ILDR2: variants seen among roughly 807,000 people sequenced by gnomAD.
ILDR2 encodes the protein immunoglobulin like domain containing receptor 2.
A neutral mutation model predicts 66.8 loss-of-function variants in ILDR2; 25 were observed. That is an observed-to-expected ratio of 0.37 (90% CI 0.27 to 0.52). The LOEUF (loss-of-function observed/expected upper bound fraction) is 0.52. Ranked by LOEUF, ILDR2 falls within the 20% of genes least tolerant of loss-of-function variation. The pLI, the probability that ILDR2 is intolerant of heterozygous loss-of-function variation, is 0.88. For missense variants in ILDR2, 827 were observed against 876.8 expected, an observed-to-expected ratio of 0.94 and a Z score of 0.72; for synonymous variants, 367 against 357.2, an observed-to-expected ratio of 1.03 and a Z score of -0.31.
At chr1:166,932,198 T>C (rs1216313668) in intron 6 of ILDR2, among the ~76,000 whole-genome samples, 2 of 152,198 alleles carry the variant, frequency 1.3e-5, no homozygotes, top group Non-Finnish European at 2.9e-5. Flanking sequence ...CAAATGCTTT[T>C]GAGAAGTCAA....
chr1:166,919,538 T>A (rs1316944558), intron 9 of ILDR2, 148 bp from the exon 10 acceptor site: 6 of 654,562 alleles, frequency 9.2e-6, no homozygotes, highest in African/African-American at 9.1e-5. Flanking sequence ...CCTGTGATGG[T>A]TGATCCTAAG....
Position 166,936,737 on chromosome 1 carries a change from T to A in ILDR2, c.557A>T (p.Glu186Val), listed in dbSNP as rs183772935. The part of the protein sequence containing the change: ...LPSFAVEIMP[E>V]WVFVGLVLLG... The stretch of plus-strand genomic sequence containing the variant: ...GAGCACCAGGCCAACAAACACCCAC[T>A]CTGGAAGGATGCACAAAGAAATCCA... Residue 186 changes from glutamate to valine, a missense_variant and splice_region_variant, in exon 5 of 10, where the codon GAG (glutamate) becomes GTG (valine). Physicochemically the swap from Glu to Val is moderately radical, Grantham distance 121. This residue lies in a region of ILDR2 where 437 missense variants were observed against 523.2 expected (regional missense o/e 0.84). Coordinates refer to ENST00000271417, the MANE Select transcript of ILDR2 (RefSeq NM_199351.3). The surrounding 1 kb of genome is among the most constrained non-coding windows in gnomAD (Gnocchi z 5.0). The A allele has an allele frequency of 6.8e-6, 11 of 1,613,678 alleles. No homozygotes were observed. The highest frequency in any genetic ancestry group is 8.5e-6 in the Non-Finnish European group (10 of 1,179,912).
chr1:166,937,624 T>G (rs1429947759), intron 4 of ILDR2, among the ~76,000 whole-genome samples: 1 of 152,186 alleles, frequency 6.6e-6, no homozygotes, highest in African/African-American at 2.4e-5. Context: ...ATCCAAAAGA[T>G]TAAGAGAAAG....
At chr1:166,969,840 T>C (rs761049857) in intron 1 of ILDR2, among the ~76,000 whole-genome samples, 3 of 152,168 alleles carry the variant, frequency 2.0e-5, no homozygotes, top group Non-Finnish European at 2.9e-5. Context: ...GTGACATTAT[T>C]TCTTATTCTT....
At chr1:166,943,320 G>A (rs952365714) in intron 3 of ILDR2, among the ~76,000 whole-genome samples, 4 of 151,714 alleles carry the variant, frequency 2.6e-5, no homozygotes, top group Non-Finnish European at 5.9e-5. Flanking sequence ...GTGAAACCCC[G>A]TCTCTACTAA....
At chr1:166,951,807 T>A (rs1235122472) in intron 3 of ILDR2, among the ~76,000 whole-genome samples, 1 of 152,166 alleles carries the variant, frequency 6.6e-6, no homozygotes, top group Non-Finnish European at 1.5e-5. Context: ...ATATTAAAAG[T>A]TCATCAGAGG....
intron 3 of ILDR2, 35 bp downstream of exon 3, chr1:166,956,698 C>T (rs758243435): frequency 6.2e-7 from 1 of 1,609,970 alleles, no homozygotes; most frequent in South Asian, 1.1e-5. Context: ...TGCAAGTGGT[C>T]TAAGATGAAA....
rs996298422 is a variant in ILDR2 at position 166,920,810 on chromosome 1, T to C, written c.1781A>G (p.Tyr594Cys). 2.0e-6 allele frequency: 3 copies of C among 1,530,976 alleles called. No homozygotes were observed. The highest frequency in any genetic ancestry group is 2.6e-6 in the Non-Finnish European group (3 of 1,141,738). The allele number at this position is 1,530,976 out of a possible 1,614,324, so 94.8% of individuals were successfully genotyped here. Reference sequence around the variant, plus strand: ...GCCGCGGGTCAGCTCCAGCTCGCTGTAGGGCGGCAGCGCGTCGTCGGACGC... The same window carrying C: ...GCCGCGGGTCAGCTCCAGCTCGCTGCAGGGCGGCAGCGCGTCGTCGGACGC... ...EDASDDALPP[Y>C]SELELTRGPS... is the part of the protein sequence containing the mutation. Residue 594 changes from tyrosine to cysteine, a missense_variant, in exon 9 of 10, where the codon TAC (tyrosine) becomes TGC (cysteine). Coordinates refer to ENST00000271417, the MANE Select transcript of ILDR2 (RefSeq NM_199351.3).
intron 1 of ILDR2, among the ~76,000 whole-genome samples, chr1:166,963,594 T>G (rs1288392653): frequency 6.6e-6 from 1 of 152,176 alleles, no homozygotes; most frequent in East Asian, 1.9e-4. Context: ...AATACCGTTT[T>G]TAAAACACAC....
At chr1:166,920,387 C>T (rs1028611643) in intron 9 of ILDR2, among the ~76,000 whole-genome samples, 2 of 152,186 alleles carry the variant, frequency 1.3e-5, no homozygotes, top group African/African-American at 4.8e-5. Context: ...CTCCCGAGAT[C>T]CCTGATGCTA....
chr1:166,898,742 A>G (rs1315136857), intron 2 of ILDR2, among the ~76,000 whole-genome samples: 1 of 152,174 alleles, frequency 6.6e-6, no homozygotes, highest in Non-Finnish European at 1.5e-5. Context: ...GGTCCCTAGT[A>G]TGTACTTAGT....
Position 166,960,871 on chromosome 1 carries a change from C to T in ILDR2, c.47-2770G>A, listed in dbSNP as rs563358476. On this transcript the variant is annotated intron_variant, in intron 1 of 9. Transcript: ENST00000271417. ...TTTATAGTTTCTCCTTAAATTCTAG[C>T]GCATTAATTTTTTAACCTTGTAATT... 1.2e-4 allele frequency among the ~76,000 whole-genome samples: 18 copies of T among 152,262 alleles called. No individual in the cohort carries two copies. In the South Asian group the frequency reaches 1.7e-3, roughly 14 times the overall value.
At chr1:166,903,962 T>C (rs772268273), downstream of ILDR2, among the ~76,000 whole-genome samples, 4 of 152,178 alleles carry the variant, frequency 2.6e-5, no homozygotes, top group Admixed American at 1.3e-4. Context: ...TCAATGTCCA[T>C]GATCCTGAGT....
intron 2 of ILDR2, among the ~76,000 whole-genome samples, chr1:166,957,255 G>A (rs1662333107): frequency 6.6e-6 from 1 of 152,168 alleles, no homozygotes; most frequent in Admixed American, 6.5e-5. Flanking sequence ...TCGGACTCTT[G>A]GGACCTTTTG....
rs112579880 is a variant in ILDR2 at position 166,931,015 on chromosome 1, T to G, written c.881-3835A>C. On this transcript the variant is annotated intron_variant, in intron 6 of 9. Transcript: ENST00000271417. ...TTAAGATTGATGGATGATTTATCTGTTTTCAAGTTCAGTCTGGCCCAAGTC... is the reference window on the plus strand; with the variant it reads ...TTAAGATTGATGGATGATTTATCTGGTTTCAAGTTCAGTCTGGCCCAAGTC... Among the ~76,000 whole-genome samples, 191 of 152,312 alleles carry G rather than the reference T, an allele frequency of 1.3e-3. 1 individual carries two copies. The highest frequency in any genetic ancestry group is 4.5e-3 in the African/African-American group (187 of 41,566).
At chr1:166,950,553 G>C (rs1236565677) in intron 3 of ILDR2, among the ~76,000 whole-genome samples, 3 of 152,164 alleles carry the variant, frequency 2.0e-5, no homozygotes, top group Non-Finnish European at 4.4e-5. Context: ...ATAGCCTTAA[G>C]ACACATGCTC....
intron 4 of ILDR2, among the ~76,000 whole-genome samples, chr1:166,938,089 C>T (rs1490931048): frequency 6.6e-6 from 1 of 152,234 alleles, no homozygotes; most frequent in Non-Finnish European, 1.5e-5. Context: ...AACATCTCTT[C>T]AGTGAGGGAA....
At chr1:166,924,001 T>TC (rs1557932722) in intron 7 of ILDR2, among the ~76,000 whole-genome samples, 2 of 150,118 alleles carry the variant, frequency 1.3e-5, no homozygotes, top group Non-Finnish European at 3.0e-5. Context: ...CCCTCTACTT[T>TC]CCCCCCTTGC....
chr1:166,909,758 T>TATATATATAA lies in ILDR2; in HGVS notation c.*9596_*9597insTTATATATAT, dbSNP rs1299440637. ...ATACATATATATATATATATATATA[T>TATATATATAA]AAATATATATAAATATATATATTTA... On this transcript the variant is annotated 3_prime_UTR_variant, in exon 10 of 10. Coordinates refer to ENST00000271417, the MANE Select transcript of ILDR2 (RefSeq NM_199351.3). 5 of 74,342 alleles carry TATATATATAA rather than the reference T, an allele frequency of 6.7e-5. No homozygotes were observed. The highest frequency in any genetic ancestry group is 3.4e-4 in the African/African-American group (5 of 14,696). 4.6% of individuals were successfully genotyped at this position (74,342 alleles called of 1,614,324 possible).
Sources: allele counts gnomAD v4.1 joint callset (sites outside exome capture counted in the v4.1 genomes callset), GRCh38; gene constraint gnomAD v4.1.1; regional missense constraint gnomAD v4.1.1; non-coding constraint Gnocchi (gnomAD v3.1); transcripts MANE v1.5; gene names NCBI Gene and HGNC (gene_info 2026-07-23, HGNC 2026-07-21).